Variants in SPECC1L observed in about 807,000 individuals in gnomAD.
SPECC1L encodes sperm antigen with calponin homology and coiled-coil domains 1 like.
A neutral mutation model predicts 116.8 loss-of-function variants in SPECC1L; 40 were observed. The ratio of observed to expected loss-of-function variants is 0.34; its 90% confidence interval spans 0.27 to 0.45. The LOEUF is 0.45. Among genes scored for constraint, SPECC1L ranks in the 20% least tolerant of loss-of-function variants. The probability of loss-of-function intolerance (pLI) is 1.00; values close to 1 mark genes in which losing one functional copy is unlikely to be tolerated. For missense variants in SPECC1L, 1,110 were observed against 1,373.6 expected, an observed-to-expected ratio of 0.81 and a Z score of 3.03; for synonymous variants, 504 against 500.6, an observed-to-expected ratio of 1.01 and a Z score of -0.09.
intron 14 of SPECC1L, among the ~76,000 whole-genome samples, chr22:24,409,694 T>C (rs1400520297): frequency 6.6e-6 from 1 of 152,216 alleles, no homozygotes. Flanking sequence ...ATTCCTTTTA[T>C]AGTTACAAAT....
intron 14 of SPECC1L, among the ~76,000 whole-genome samples, chr22:24,398,728 AG>A (rs2042413440): frequency 6.6e-6 from 1 of 152,190 alleles, no homozygotes; most frequent in African/African-American, 2.4e-5. Context: ...AAATTAAAGA[AG>A]GCCCCCCTGG....
intron 14 of SPECC1L, among the ~76,000 whole-genome samples, chr22:24,402,822 G>A (rs2042506387): frequency 6.6e-6 from 1 of 152,236 alleles, no homozygotes; most frequent in Non-Finnish European, 1.5e-5. Flanking sequence ...GTATTTGGGA[G>A]TATATTTTAT....
chr22:24,341,842 C>T (rs1231857638), intron 10 of SPECC1L, among the ~76,000 whole-genome samples: 2 of 152,208 alleles, frequency 1.3e-5, no homozygotes, highest in Non-Finnish European at 2.9e-5. Flanking sequence ...TGTGAGCCAG[C>T]CCTGCAGAGA....
At chr22:24,279,623 A>G (rs1392397158) in intron 2 of SPECC1L, among the ~76,000 whole-genome samples, 3 of 151,858 alleles carry the variant, frequency 2.0e-5, no homozygotes, top group African/African-American at 7.3e-5. Flanking sequence ...TCTGTTGCCC[A>G]GGTTGTAGGG....
In SPECC1L at chr22:24,316,935, G is replaced by A. The variant is rs1393881702; in HGVS notation, c.307+3469G>A. Among the ~76,000 whole-genome samples the A allele has an allele frequency of 9.2e-5, 11 of 119,290 alleles. 1 individual carries two copies. The highest frequency in any genetic ancestry group is 3.0e-4 in the African/African-American group (10 of 32,926). The allele number at this position is 119,290 out of a possible 152,430, so 78.3% of individuals were successfully genotyped here. A position where few individuals can be genotyped will look rare whatever the true frequency, so the allele number is the denominator to read the frequency against. ...GACCCCCCCAACCTCCCTCCCAGAC[G>A]GGGCGGCTGGCCGGGCCGAGGAGCT... On this transcript the variant is annotated intron_variant, in intron 4 of 16. Coordinates refer to ENST00000314328, the MANE Select transcript of SPECC1L (RefSeq NM_015330.6).
intron 8 of SPECC1L, among the ~76,000 whole-genome samples, chr22:24,333,448 G>A (rs576569202): frequency 6.6e-5 from 10 of 152,014 alleles, no homozygotes; most frequent in Admixed American, 4.6e-4. Context: ...GTTAGTCAGC[G>A]TAGTGAATTT....
intron 4 of SPECC1L, among the ~76,000 whole-genome samples, chr22:24,318,459 G>A (rs1406446973): frequency 3.3e-5 from 5 of 152,228 alleles, no homozygotes; most frequent in African/African-American, 1.2e-4. Context: ...GCAGTGAGCC[G>A]AGATGGCAGC....
chr22:24,410,209 G>T (rs531314707), intron 14 of SPECC1L, among the ~76,000 whole-genome samples: 3 of 152,320 alleles, frequency 2.0e-5, no homozygotes, highest in African/African-American at 7.2e-5. Context: ...GCAGGCTGGG[G>T]TGTAATGGCT....
At chr22:24,357,434 A>G (rs920461454) in intron 11 of SPECC1L, among the ~76,000 whole-genome samples, 2 of 152,230 alleles carry the variant, frequency 1.3e-5, no homozygotes, top group African/African-American at 4.8e-5. Context: ...TAGTTATTTT[A>G]AATGCTTTAT....
chr22:24,352,730 T>C (rs997202723), intron 11 of SPECC1L, among the ~76,000 whole-genome samples: 1 of 152,212 alleles, frequency 6.6e-6, no homozygotes, highest in African/African-American at 2.4e-5. Context: ...CCTACCCTCC[T>C]GCACTTTACA....
intron 14 of SPECC1L, among the ~76,000 whole-genome samples, chr22:24,388,161 C>G (rs2042196138): frequency 6.6e-6 from 1 of 151,772 alleles, no homozygotes; most frequent in African/African-American, 2.4e-5. Context: ...ATACATGTGC[C>G]ATGTTGGTGT....
At chr22:24,294,080 G>T (rs1418243699) in intron 2 of SPECC1L, among the ~76,000 whole-genome samples, 9 of 38,584 alleles carry the variant, frequency 2.3e-4, no homozygotes, top group African/African-American at 1.0e-3. Flanking sequence ...GGCCCTTGCC[G>T]ACAAGTCCTC....
chr22:24,310,289 G>C (rs1270941225), intron 3 of SPECC1L, among the ~76,000 whole-genome samples: 1 of 152,072 alleles, frequency 6.6e-6, no homozygotes, highest in Non-Finnish European at 1.5e-5. Flanking sequence ...CCAGTATTTT[G>C]CAATAAAAAA....
chr22:24,318,757 C>T (rs1041151085), intron 4 of SPECC1L, among the ~76,000 whole-genome samples: 10 of 151,960 alleles, frequency 6.6e-5, no homozygotes, highest in African/African-American at 1.2e-4. Flanking sequence ...GGTGAAACCC[C>T]GTCTCTACAA....
At chr22:24,295,967 A>G (rs1418263716) in intron 2 of SPECC1L, among the ~76,000 whole-genome samples, 1 of 152,180 alleles carries the variant, frequency 6.6e-6, no homozygotes, top group Non-Finnish European at 1.5e-5. Flanking sequence ...AAAGTATACC[A>G]GCACTGATGA....
intron 3 of SPECC1L, 65 bp downstream of exon 3, chr22:24,302,449 A>G: frequency 6.3e-7 from 1 of 1,582,598 alleles, no homozygotes; most frequent in Non-Finnish European, 8.7e-7. Context: ...ATGATGTTTA[A>G]TATATTAAAT....
intron 2 of SPECC1L, among the ~76,000 whole-genome samples, chr22:24,288,016 A>G (rs2049075978): frequency 6.6e-6 from 1 of 152,042 alleles, no homozygotes; most frequent in African/African-American, 2.4e-5. Flanking sequence ...CCTTCCTGGA[A>G]CTGTATCCTT....
In SPECC1L at chr22:24,321,754, C is replaced by T. The variant is rs2040727723; in HGVS notation, c.774C>T (p.Asn258=). The T allele has an allele frequency of 6.2e-7, 1 of 1,614,178 alleles. No homozygotes were observed. The highest frequency in any genetic ancestry group is 8.5e-7 in the Non-Finnish European group (1 of 1,180,044). The change falls in exon 5 of 17, where the codon AAC becomes AAT. Residue 258 remains asparagine, a synonymous_variant. Transcript: ENST00000314328. ...ATACTGCCATCCGTGAAGAACTCAA[C>T]CAGCTGAAAAATGAAAACAGAATGT... is the stretch of plus-strand genomic sequence containing the variant. ...EQNTAIREEL[N]QLKNENRMLK...
At chr22:24,279,925 T>G (rs1386163029) in intron 2 of SPECC1L, among the ~76,000 whole-genome samples, 1 of 152,234 alleles carries the variant, frequency 6.6e-6, no homozygotes, top group Non-Finnish European at 1.5e-5. Context: ...GTCTCTACAT[T>G]GTGAAGTGAC....
Sources: allele counts gnomAD v4.1 joint callset (sites outside exome capture counted in the v4.1 genomes callset), GRCh38; gene constraint gnomAD v4.1.1; transcripts MANE v1.5; gene names NCBI Gene and HGNC (gene_info 2026-07-23, HGNC 2026-07-21).